The following TMTC4 variants were observed in gnomAD, a reference collection of about 807,000 sequenced individuals.
TMTC4 encodes protein O-mannosyl-transferase TMTC4.
In TMTC4, 65 loss-of-function variants were observed where a neutral mutation model predicts 86.0. That is an observed-to-expected ratio of 0.76 (90% CI 0.62 to 0.93). The LOEUF (loss-of-function observed/expected upper bound fraction) is 0.93. TMTC4 is among the 40% of genes least tolerant of loss of function. The pLI is 0.00. For missense variants in TMTC4, 866 were observed against 948.1 expected (o/e 0.91, Z 1.14); for synonymous variants, 379 against 382.5 (o/e 0.99, Z 0.11).
chr13:100,627,894 T>C (rs1880789003), intron 12 of TMTC4, among the ~76,000 whole-genome samples: 1 of 152,062 alleles, frequency 6.6e-6, no homozygotes, highest in African/African-American at 2.4e-5. Context: ...AGGGAGGCTG[T>C]GGCTGCAGTC....
intron 7 of TMTC4, among the ~76,000 whole-genome samples, chr13:100,641,644 C>T (rs1449848106): frequency 2.6e-5 from 4 of 152,150 alleles, no homozygotes; most frequent in African/African-American, 9.7e-5. Flanking sequence ...TGCACCATCG[C>T]GCCTGGCTAA....
intron 12 of TMTC4, among the ~76,000 whole-genome samples, chr13:100,627,168 C>T (rs1880675072): frequency 6.6e-6 from 1 of 152,138 alleles, no homozygotes; most frequent in Admixed American, 6.6e-5. Context: ...GAGCAAGGGC[C>T]TCGGTGTGGC....
chr13:100,627,490 C>G (rs1284263967), intron 12 of TMTC4, among the ~76,000 whole-genome samples: 2 of 152,114 alleles, frequency 1.3e-5, no homozygotes, highest in African/African-American at 4.8e-5. Context: ...GGTGCTTGCC[C>G]ATAATTTCCG....
chr13:100,623,425 G>T (rs1879856148), intron 15 of TMTC4, among the ~76,000 whole-genome samples: 1 of 152,190 alleles, frequency 6.6e-6, no homozygotes, highest in Admixed American at 6.5e-5. Flanking sequence ...TAGAGATGTG[G>T]TTTCGCCATG....
intron 2 of TMTC4, 193 bp downstream of exon 2, chr13:100,670,162 CTGAGA>C (rs1267479112): frequency 1.8e-6 from 1 of 541,364 alleles, no homozygotes; most frequent in East Asian, 3.4e-5. Flanking sequence ...TCTTTTCCTG[CTGAGA>C]TGAAAGAGAA....
intron 5 of TMTC4, among the ~76,000 whole-genome samples, chr13:100,660,681 T>C (rs1353949600): frequency 6.8e-6 from 1 of 147,096 alleles, no homozygotes; most frequent in East Asian, 2.0e-4. Context: ...TTTGACAGAG[T>C]CTTGCTCTGT....
In TMTC4 at chr13:100,604,409, A is replaced by G. The variant is rs1712403243; in HGVS notation, c.*585T>C. On this transcript the variant is annotated 3_prime_UTR_variant, in exon 19 of 19. Transcript: ENST00000342624. ...TTTCTTCCTATGGGGAAAAGCATAT[A>G]GATATACTATGTTAAAACTTCCATT... is the stretch of plus-strand genomic sequence containing the variant. 1.3e-5 allele frequency: 2 copies of G among 152,382 alleles called. No homozygotes were observed. Among genetic ancestry groups the G allele is most frequent in the Non-Finnish European group, 1.5e-5 (1 of 68,038 alleles). The allele number at this position is 152,382 out of a possible 1,614,324, so 9.4% of individuals were successfully genotyped here.
intron 6 of TMTC4, among the ~76,000 whole-genome samples, chr13:100,654,822 C>T (rs1480216869): frequency 6.6e-6 from 1 of 152,076 alleles, no homozygotes; most frequent in Non-Finnish European, 1.5e-5. Context: ...TATCATATCT[C>T]CTAAATGATG....
intron 7 of TMTC4, among the ~76,000 whole-genome samples, chr13:100,641,818 C>T (rs984004520): frequency 6.6e-6 from 1 of 152,184 alleles, no homozygotes; most frequent in Non-Finnish European, 1.5e-5. Flanking sequence ...ATCCACCAGC[C>T]TTTCTAGATC....
chr13:100,609,082 G>A lies in TMTC4; in HGVS notation c.2065-2655C>T, dbSNP rs528203391. Among the ~76,000 whole-genome samples the A allele has an allele frequency of 9.2e-5, 14 of 152,178 alleles. No individual in the cohort carries two copies. The South Asian group carries it at 1.7e-3, about 18-fold the overall frequency. Reference sequence around the variant, plus strand: ...GGAGATCTGATGAGAAGTTGAAACCGTGACTCACACAGGAAGAGAGTTATT... The same window carrying A: ...GGAGATCTGATGAGAAGTTGAAACCATGACTCACACAGGAAGAGAGTTATT... On this transcript the variant is annotated intron_variant, in intron 17 of 18. Transcript: ENST00000342624.
At chr13:100,667,126 A>T (rs1420064063) in intron 3 of TMTC4, among the ~76,000 whole-genome samples, 4 of 152,170 alleles carry the variant, frequency 2.6e-5, no homozygotes, top group Non-Finnish European at 5.9e-5. Context: ...ATTACAAATG[A>T]AGAACTTGAA....
chr13:100,659,930 A>C (rs1885560241), intron 5 of TMTC4, among the ~76,000 whole-genome samples: 1 of 148,096 alleles, frequency 6.8e-6, no homozygotes, highest in Non-Finnish European at 1.5e-5. Context: ...ACCCTAGAAG[A>C]CTGGAAAATT....
intron 15 of TMTC4, among the ~76,000 whole-genome samples, chr13:100,615,250 G>A (rs1394242765): frequency 6.7e-6 from 1 of 149,242 alleles, no homozygotes; most frequent in African/African-American, 2.5e-5. Flanking sequence ...TGATTCTCCC[G>A]CTTCAGCCTT....
chr13:100,644,382 C>T (rs375341910), intron 6 of TMTC4, among the ~76,000 whole-genome samples: 18 of 151,648 alleles, frequency 1.2e-4, no homozygotes, highest in Middle Eastern at 6.9e-3. Flanking sequence ...GGATTACAGG[C>T]GTGAGTTATT....
At chr13:100,607,936 G>T (rs553133017) in intron 17 of TMTC4, among the ~76,000 whole-genome samples, 1 of 152,254 alleles carries the variant, frequency 6.6e-6, no homozygotes, top group East Asian at 1.9e-4. Flanking sequence ...TATCAGGAAG[G>T]CTGCAGAAAA....
intron 17 of TMTC4, among the ~76,000 whole-genome samples, chr13:100,609,676 TATATACACACAC>T (rs1417451730): frequency 1.4e-5 from 2 of 143,936 alleles, no homozygotes; most frequent in Non-Finnish European, 3.0e-5. Flanking sequence ...TAAATGTATA[TATATACACACAC>T]ACACACACAC....
rs1304676496 is a variant in TMTC4 at position 100,636,558 on chromosome 13, C to G, written c.1176G>C (p.Leu392=). ...TTCTCTTGTGGCCGTCTTCAGAGCA[C>G]AGGGCTTGGCATATCAGGCCAATTA... is the stretch of plus-strand genomic sequence containing the variant. ...FCLIGLICQA[L]CSEDGHKRRI... is the part of the protein sequence containing the mutation. The change falls in exon 10 of 19, where the codon CTG becomes CTC. Residue 392 remains leucine, a synonymous_variant. Coordinates refer to ENST00000342624, the MANE Select transcript of TMTC4 (RefSeq NM_032813.5). 2.8e-5 allele frequency: 45 copies of G among 1,614,130 alleles called. No homozygotes were observed. The highest frequency in any genetic ancestry group is 3.4e-5 in the Non-Finnish European group (40 of 1,180,056).
chr13:100,619,512 CCTTA>C (rs1879159666), intron 15 of TMTC4, among the ~76,000 whole-genome samples: 2 of 152,198 alleles, frequency 1.3e-5, no homozygotes, highest in African/African-American at 4.8e-5. Context: ...AAGGCTGTTT[CCTTA>C]CTTACTGGCA....
chr13:100,646,278 A>G (rs1160651296), intron 6 of TMTC4, among the ~76,000 whole-genome samples: 1 of 152,226 alleles, frequency 6.6e-6, no homozygotes, highest in Non-Finnish European at 1.5e-5. Flanking sequence ...TGACTAAATC[A>G]GCAGGCCCGA....
Sources: gnomAD v4.1 joint callset for allele counts (sites outside exome capture counted in the v4.1 genomes callset) on GRCh38, gnomAD v4.1.1 for gene constraint, MANE v1.5 for transcripts, NCBI Gene and HGNC (gene_info 2026-07-23, HGNC 2026-07-21) for gene names.